The following FAM184B variants were observed in gnomAD, a reference collection of about 807,000 sequenced individuals.
FAM184B encodes the protein family with sequence similarity 184 member B, also known as protein FAM184B.
A neutral mutation model predicts 135.9 loss-of-function variants in FAM184B; 111 were observed. That is an observed-to-expected ratio of 0.82 (90% CI 0.70 to 0.96). The LOEUF (loss-of-function observed/expected upper bound fraction) is 0.96. Among genes scored for constraint, FAM184B ranks in the 40% least tolerant of loss-of-function variants. FAM184B has a pLI of 0.00. For synonymous variants in FAM184B, 552 were observed against 524.8 expected (o/e 1.05, Z -0.71); for missense variants, 1,375 against 1,323.9 (o/e 1.04, Z -0.60).
chr4:17,693,498 C>G lies in FAM184B; in HGVS notation c.1378-86G>C, dbSNP rs967100410. On this transcript the variant is annotated intron_variant, in intron 5 of 17. Coordinates refer to ENST00000265018, the MANE Select transcript of FAM184B (RefSeq NM_015688.2). ...CACACCCTGCCTTATTCCCAGAGAT[C>G]AAAGAAGCTTATGAGTGTCATACAA... 7.6e-6 allele frequency: 8 copies of G among 1,056,770 alleles called. No homozygotes were observed. In the African/African-American group the frequency reaches 7.9e-5, roughly 10 times the overall value. The allele number at this position is 1,056,770 out of a possible 1,614,324, so 65.5% of individuals were successfully genotyped here.
At chr4:17,633,991 G>T in intron 16 of FAM184B, 103 bp from the exon 17 acceptor site, 2 of 917,756 alleles carry the variant, frequency 2.2e-6, no homozygotes, top group South Asian at 2.9e-5. Flanking sequence ...TTGTATCGGA[G>T]AAGAAGCAAC....
intron 1 of FAM184B, among the ~76,000 whole-genome samples, chr4:17,752,841 T>C (rs1441315620): frequency 6.6e-6 from 1 of 152,244 alleles, no homozygotes; most frequent in Non-Finnish European, 1.5e-5. Flanking sequence ...TAGCTGCATT[T>C]GTTAAAATTA....
At chr4:17,649,827 C>T (rs1715561760) in intron 11 of FAM184B, among the ~76,000 whole-genome samples, 1 of 150,976 alleles carries the variant, frequency 6.6e-6, no homozygotes, top group African/African-American at 2.5e-5. Flanking sequence ...CTTCTATCCA[C>T]CTGTCCATCC....
At chr4:17,710,641 C>A (rs1717245566) in intron 1 of FAM184B, among the ~76,000 whole-genome samples, 1 of 152,028 alleles carries the variant, frequency 6.6e-6, no homozygotes, top group African/African-American at 2.4e-5. Context: ...AGGAACAAGA[C>A]AAAGATGTCT....
At position 17,629,733 on chromosome 4, in the gene FAM184B, T is replaced by C. The variant is rs1714870598; in HGVS notation, c.*2799A>G. 1 of 152,212 alleles carries C rather than the reference T, an allele frequency of 6.6e-6. No homozygotes were observed. Among genetic ancestry groups the C allele is most frequent in the South Asian group, 2.1e-4 (1 of 4,828 alleles). 9.4% of individuals were successfully genotyped at this position (152,212 alleles called of 1,614,324 possible). On this transcript the variant is annotated 3_prime_UTR_variant, in exon 18 of 18. Transcript: ENST00000265018. The stretch of plus-strand genomic sequence containing the variant: ...CATCACTGTCATCTCTAGACCGCTC[T>C]GCTGTTGAGAGATTGATGGAATCAT...
chr4:17,636,472 G>A (rs1260133726), intron 15 of FAM184B, 56 bp downstream of exon 15: 1 of 1,360,256 alleles, frequency 7.4e-7, no homozygotes, highest in African/African-American at 1.4e-5. Context: ...CCCCTCCCGG[G>A]GGAGCCCGCA....
rs1715835587 is a variant in FAM184B, at chr4:17,658,560, G to C, written c.1827C>G (p.Val609=). 3 of 1,550,486 alleles carry C rather than the reference G, an allele frequency of 1.9e-6. No homozygotes were observed. In the African/African-American group the frequency reaches 4.1e-5, roughly 21 times the overall value. ...QSQKAKLQAQ[V]SQMQQALEQC... ...GCTCCAGAGCCTGCTGCATCTGTGAGACCTGCGCACAAGGCATCCTGCCCT... is the reference window on the plus strand; with the variant it reads ...GCTCCAGAGCCTGCTGCATCTGTGACACCTGCGCACAAGGCATCCTGCCCT... Residue 609 remains valine, a splice_region_variant and synonymous_variant, in exon 10 of 18, where the codon GTC becomes GTG. Transcript: ENST00000265018.
intron 1 of FAM184B, among the ~76,000 whole-genome samples, chr4:17,756,572 C>T (rs982990258): frequency 1.3e-5 from 2 of 152,176 alleles, no homozygotes; most frequent in African/African-American, 4.8e-5. Flanking sequence ...AACCGTACCA[C>T]CAGCTAACCA....
In FAM184B at chr4:17,652,763, T is replaced by A. The variant is rs1577247913; in HGVS notation, c.2191+67A>T. 8.7e-6 allele frequency: 13 copies of A among 1,502,736 alleles called. No individual in the cohort carries two copies. The East Asian group carries it at 3.2e-4, about 37-fold the overall frequency. 93.1% of individuals were successfully genotyped at this position (1,502,736 alleles called of 1,614,324 possible). The stretch of plus-strand genomic sequence containing the variant: ...CCCTGGAGCCCTGGCCCTCAGCTTG[T>A]CTCTGGTTTCTACATGCAGACCCTG... On this transcript the variant is annotated intron_variant, in intron 11 of 17. Coordinates refer to ENST00000265018, the MANE Select transcript of FAM184B (RefSeq NM_015688.2).
Position 17,658,563 on chromosome 4 carries a change from C to G in FAM184B, c.1825-1G>C. 1 of 1,550,480 alleles carries G rather than the reference C, an allele frequency of 6.4e-7. No individual in the cohort carries two copies. Among genetic ancestry groups the G allele is most frequent in the South Asian group, 1.2e-5 (1 of 84,018 alleles). On this transcript the variant is annotated splice_acceptor_variant, in intron 9 of 17. Coordinates refer to ENST00000265018, the MANE Select transcript of FAM184B (RefSeq NM_015688.2). LOFTEE classifies it high-confidence loss of function. ...CCAGAGCCTGCTGCATCTGTGAGAC[C>G]TGCGCACAAGGCATCCTGCCCTCAG... is the stretch of plus-strand genomic sequence containing the variant.
At chr4:17,672,640 T>A (rs914445843) in intron 7 of FAM184B, among the ~76,000 whole-genome samples, 1 of 152,204 alleles carries the variant, frequency 6.6e-6, no homozygotes, top group African/African-American at 2.4e-5. Flanking sequence ...GATGATCATG[T>A]GATTTTTGGT....
At chr4:17,649,988 G>T (rs568998657) in intron 11 of FAM184B, among the ~76,000 whole-genome samples, 36 of 151,216 alleles carry the variant, frequency 2.4e-4, no homozygotes, top group Admixed American at 2.0e-3. Context: ...CCCATTGGTT[G>T]CCCACCCAAT....
intron 1 of FAM184B, among the ~76,000 whole-genome samples, chr4:17,754,998 C>T (rs191221449): frequency 1.1e-4 from 17 of 152,138 alleles, no homozygotes; most frequent in Non-Finnish European, 2.1e-4. Context: ...GTAGCAAGGA[C>T]TACAGGTGTG....
chr4:17,744,880 A>T (rs1408690910), intron 1 of FAM184B, among the ~76,000 whole-genome samples: 1 of 152,232 alleles, frequency 6.6e-6, no homozygotes, highest in African/African-American at 2.4e-5. Context: ...GATGGGAAGT[A>T]GAGTGCTGAG....
At chr4:17,653,286 G>A (rs957878179) in intron 10 of FAM184B, among the ~76,000 whole-genome samples, 69 of 152,320 alleles carry the variant, frequency 4.5e-4, no homozygotes, top group African/African-American at 1.6e-3. Context: ...AAAAGAGACT[G>A]ACAGACAGAT....
Position 17,660,044 on chromosome 4 carries a change from G to T in FAM184B, c.1738C>A (p.Leu580Met). 1.9e-6 allele frequency: 3 copies of T among 1,551,638 alleles called. No individual in the cohort carries two copies. The highest frequency in any genetic ancestry group is 2.6e-6 in the Non-Finnish European group (3 of 1,146,994). The change falls in exon 9 of 18, where the codon CTG becomes ATG. Residue 580 changes from leucine (L) to methionine (M), a missense_variant. Transcript: ENST00000265018. ...GTTTTCTCCTTCAACAAAGAGCCCA[G>T]TGGAGGTTGTGGGTCACTTCCCTCC... ...LKEGSDPQPP[L>M]GSLLKEKTSK...
intron 1 of FAM184B, among the ~76,000 whole-genome samples, chr4:17,735,435 A>G (rs767849550): frequency 7.2e-5 from 11 of 152,176 alleles, no homozygotes; most frequent in Admixed American, 2.6e-4. Flanking sequence ...TACTGGTTCA[A>G]TTAAAATGAT....
In FAM184B at chr4:17,721,574, C is replaced by T. The variant is rs138259769; in HGVS notation, c.142-11930G>A. ...AGGCATGGCATAGAGGCAAGACATG[C>T]AAGGGGCGTCCTCCGGGGCAGAGCC... On this transcript the variant is annotated intron_variant, in intron 1 of 17. Transcript: ENST00000265018. Among the ~76,000 whole-genome samples, 291 of 152,078 alleles carry T rather than the reference C, an allele frequency of 1.9e-3. 2 individuals carry two copies. Among genetic ancestry groups the T allele is most frequent in the African/African-American group, 4.8e-3 (198 of 41,516 alleles).
In FAM184B at chr4:17,658,475, T is replaced by C; in HGVS notation, c.1912A>G (p.Arg638Gly). 1 of 1,551,530 alleles carries C rather than the reference T, an allele frequency of 6.4e-7. No homozygotes were observed. Among genetic ancestry groups the C allele is most frequent in the Non-Finnish European group, 8.7e-7 (1 of 1,146,904 alleles). The stretch of plus-strand genomic sequence containing the variant: ...TGGAGCTCACGCTGCAGCTTCTCCC[T>C]CTCCAGGTCCGAGAGCTGCTTGAGT... ...QALKQLSDLE[R>G]EKLQRELQET... The change falls in exon 10 of 18, where the codon AGG (arginine) becomes GGG (glycine). Residue 638 changes from arginine (R) to glycine (G), a missense_variant. Arg to Gly is a moderately radical substitution (Grantham distance 125). Coordinates refer to ENST00000265018, the MANE Select transcript of FAM184B (RefSeq NM_015688.2).
Sources: gnomAD v4.1 joint callset for allele counts (sites outside exome capture counted in the v4.1 genomes callset) on GRCh38, gnomAD v4.1.1 for gene constraint, MANE v1.5 for transcripts, NCBI Gene and HGNC (gene_info 2026-07-23, HGNC 2026-07-21) for gene names.